Variants in LIMS1 observed in about 807,000 individuals in gnomAD.
LIMS1 encodes the protein LIM and senescent cell antigen-like-containing domain protein 1.
A neutral mutation model predicts 44.1 loss-of-function variants in LIMS1; 18 were observed. The observed-to-expected ratio is 0.41, with a 90% CI of 0.28 to 0.61. The LOEUF is 0.61. Among genes scored for constraint, LIMS1 ranks in the 20% least tolerant of loss-of-function variants. The pLI is 0.32. For synonymous variants in LIMS1, 93 were observed against 149.1 expected, an observed-to-expected ratio of 0.62 and a Z score of 2.74; for missense variants, 201 against 422.0, an observed-to-expected ratio of 0.48 and a Z score of 4.59.
chr2:108,551,208 G>A (rs964589034), intron 1 of LIMS1, among the ~76,000 whole-genome samples: 4 of 151,252 alleles, frequency 2.6e-5, no homozygotes, highest in Non-Finnish European at 4.4e-5. Flanking sequence ...AAGTGTATAA[G>A]GCTTTTATGT....
In LIMS1 at chr2:108,543,385, G is replaced by A. The variant is rs550658749; in HGVS notation, c.32+8791G>A. Among the ~76,000 whole-genome samples the A allele has an allele frequency of 5.9e-5, 9 of 152,364 alleles. No homozygotes were observed. In the East Asian group the frequency reaches 1.7e-3, roughly 29 times the overall value. The stretch of plus-strand genomic sequence containing the variant: ...TTCAATACTGACTGACTGGTTAAGT[G>A]AAATAGTAAAAGCTAAACAAGTCAG... On this transcript the variant is annotated intron_variant, in intron 1 of 9. Coordinates refer to ENST00000544547, the Ensembl canonical transcript of LIMS1.
At chr2:108,638,537 A>G (rs1290433355) in intron 1 of LIMS1, among the ~76,000 whole-genome samples, 1 of 152,056 alleles carries the variant, frequency 6.6e-6, no homozygotes, top group Non-Finnish European at 1.5e-5. Flanking sequence ...TGAGGTCAGG[A>G]GTTCGAGACC....
chr2:108,636,610 T>G lies in LIMS1; in HGVS notation c.33-22995T>G, dbSNP rs562711960. Among the ~76,000 whole-genome samples the G allele has an allele frequency of 2.8e-4, 43 of 152,318 alleles. No individual in the cohort carries two copies. In the South Asian group the frequency reaches 8.5e-3, roughly 30 times the overall value. ...ACTGCATCACCAGCACCTAGCAATA[T>G]CCCAGTGATGCCTCCTACAGGACAC... On this transcript the variant is annotated intron_variant, in intron 1 of 9. Coordinates refer to ENST00000544547, the Ensembl canonical transcript of LIMS1.
At chr2:108,647,273 C>G (rs932640150) in intron 1 of LIMS1, among the ~76,000 whole-genome samples, 1 of 152,040 alleles carries the variant, frequency 6.6e-6, no homozygotes, top group Non-Finnish European at 1.5e-5. Context: ...AAGAAGAAGT[C>G]AAATCCCTGA....
At chr2:108,658,889 A>T (rs1573576147) in intron 1 of LIMS1, among the ~76,000 whole-genome samples, 1 of 152,420 alleles carries the variant, frequency 6.6e-6, no homozygotes, top group East Asian at 1.9e-4. Flanking sequence ...GGGGACCTGG[A>T]TTTCTAGTCC....
At chr2:108,576,684 C>G (rs1685681091) in intron 1 of LIMS1, among the ~76,000 whole-genome samples, 1 of 152,180 alleles carries the variant, frequency 6.6e-6, no homozygotes, top group South Asian at 2.1e-4. Context: ...CAGGTGTGAG[C>G]CACCGTGCCT....
chr2:108,621,176 AG>A (rs1171033379), intron 1 of LIMS1: 1 of 1,147,604 alleles, frequency 8.7e-7, no homozygotes, highest in African/African-American at 1.6e-5. Flanking sequence ...CTTGCTGAGG[AG>A]GGTGTGTACC....
At chr2:108,620,526 C>T (rs1260809497) in intron 1 of LIMS1, among the ~76,000 whole-genome samples, 1 of 152,174 alleles carries the variant, frequency 6.6e-6, no homozygotes, top group Admixed American at 6.5e-5. Context: ...CTGTTGTACA[C>T]ATCCCCACAC....
intron 1 of LIMS1, among the ~76,000 whole-genome samples, chr2:108,594,382 A>T (rs746700702): frequency 2.6e-5 from 4 of 152,194 alleles, no homozygotes; most frequent in Non-Finnish European, 5.9e-5. Flanking sequence ...CTGAGAACAC[A>T]TTTAGTGTTG....
chr2:108,550,932 G>A (rs553283014), intron 1 of LIMS1, among the ~76,000 whole-genome samples: 1 of 151,976 alleles, frequency 6.6e-6, no homozygotes, highest in African/African-American at 2.4e-5. Flanking sequence ...ACCAGCCTGG[G>A]CAACATAACA....
At chr2:108,584,180 A>G (rs1316637428) in intron 1 of LIMS1, among the ~76,000 whole-genome samples, 2 of 152,170 alleles carry the variant, frequency 1.3e-5, no homozygotes, top group African/African-American at 2.4e-5. Flanking sequence ...TGATCTCTCC[A>G]CAATCACAGT....
intron 1 of LIMS1, among the ~76,000 whole-genome samples, chr2:108,654,553 C>T (rs1429155445): frequency 1.3e-5 from 2 of 151,890 alleles, no homozygotes; most frequent in Non-Finnish European, 2.9e-5. Flanking sequence ...GTTGTGGAAG[C>T]CCAGGTCCAG....
At chr2:108,669,615 A>C (rs1239874442) in intron 2 of LIMS1, among the ~76,000 whole-genome samples, 1 of 152,084 alleles carries the variant, frequency 6.6e-6, no homozygotes, top group Non-Finnish European at 1.5e-5. Context: ...ACAGTGTATG[A>C]CTTTTGGCAT....
exon 10 of LIMS1, chr2:108,685,653 C>G (rs1558849055): frequency 6.6e-6 from 1 of 152,086 alleles, no homozygotes; most frequent in South Asian, 2.1e-4. Context: ...GAATAATCAT[C>G]ACATAGTTTA....
At chr2:108,617,761 A>G (rs2148865862) in intron 1 of LIMS1, among the ~76,000 whole-genome samples, 1 of 152,304 alleles carries the variant, frequency 6.6e-6, no homozygotes, top group East Asian at 1.9e-4. Context: ...TTCCAGTCTT[A>G]CCAAGCCATA....
chr2:108,603,516 T>TTTC (rs1553458424), intron 1 of LIMS1, among the ~76,000 whole-genome samples: 5 of 148,990 alleles, frequency 3.4e-5, no homozygotes, highest in Admixed American at 6.7e-5. Flanking sequence ...TTTTTTTTTT[T>TTTC]CCACTTGAGA....
intron 1 of LIMS1, chr2:108,621,420 C>G: frequency 6.4e-7 from 1 of 1,551,138 alleles, no homozygotes; most frequent in Non-Finnish European, 8.7e-7. Flanking sequence ...GAGATCGCCC[C>G]GATAGTTTGA....
chr2:108,590,499 G>A (rs753706714), intron 1 of LIMS1, among the ~76,000 whole-genome samples: 4 of 152,216 alleles, frequency 2.6e-5, no homozygotes, highest in Non-Finnish European at 5.9e-5. Flanking sequence ...CTTGGTGGTA[G>A]TTTAAAAAAT....
In LIMS1 at chr2:108,549,279, C is replaced by CTTTTTTTTTTTTTTTTTTTTTTTTTTTT. The variant is rs71381966; in HGVS notation, c.32+14691_32+14718dup. Among the ~76,000 whole-genome samples, 5 of 55,792 alleles carry CTTTTTTTTTTTTTTTTTTTTTTTTTTTT rather than the reference C, an allele frequency of 9.0e-5. 2 individuals carry two copies. Among genetic ancestry groups the CTTTTTTTTTTTTTTTTTTTTTTTTTTTT allele is most frequent in the African/African-American group, 1.5e-4 (2 of 13,286 alleles). The allele number at this position is 55,792 out of a possible 152,430, so 36.6% of individuals were successfully genotyped here. A position where few individuals can be genotyped will look rare whatever the true frequency, so the allele number is the denominator to read the frequency against. On this transcript the variant is annotated intron_variant, in intron 1 of 9. Transcript: ENST00000544547. ...ATAATAATGTACAAGTAAAGTGTTT[C>CTTTTTTTTTTTTTTTTTTTTTTTTTTTT]TTTTTTTTTTTTTTTTTTTTTTTTT...
Sources: gnomAD v4.1 joint callset for allele counts (sites outside exome capture counted in the v4.1 genomes callset) on GRCh38, gnomAD v4.1.1 for gene constraint, MANE v1.5 for transcripts, NCBI Gene and HGNC (gene_info 2026-07-23, HGNC 2026-07-21) for gene names.